CENPO: variants seen among roughly 807,000 people sequenced by gnomAD.
CENPO encodes centromeric protein O.
A neutral mutation model predicts 36.1 loss-of-function variants in CENPO; 30 were observed. The ratio of observed to expected loss-of-function variants is 0.83; its 90% CI spans 0.62 to 1.13. The LOEUF is 1.13. Ranked by LOEUF, CENPO falls within the 50% of genes most tolerant of loss-of-function variation. The pLI, the probability that CENPO is intolerant of heterozygous loss-of-function variation, is 0.00. For missense variants in CENPO, 349 were observed against 357.8 expected (o/e 0.98, Z 0.20); for synonymous variants, 171 against 142.3 (o/e 1.20, Z -1.44).
rs374213086 is a variant in CENPO, at chr2:24,793,957, CCAAAGGAGGTATT to C, written c.41_46+7del. 1.2e-4 allele frequency: 189 copies of C among 1,613,622 alleles called. 1 individual carries two copies. In the African/African-American group the frequency reaches 2.1e-3, roughly 18 times the overall value. ...AACCCTTTACGTCCAGATGGCGAGT[CCAAAGGAGGTATT>C]CAGAGGGTCGCCGCCTCCTTCCTGC... On this transcript the variant is annotated splice_donor_variant and splice_donor_5th_base_variant and coding_sequence_variant and intron_variant, in exon 2 of 8. Transcript: ENST00000380834. LOFTEE classifies it high-confidence loss of function.
intron 2 of CENPO, 127 bp from the exon 3 acceptor site, chr2:24,799,548 A>G: frequency 1.4e-6 from 1 of 717,704 alleles, no homozygotes; most frequent in African/African-American, 1.8e-5. Flanking sequence ...GATATCTAAC[A>G]ATTCAGCTGG....
At chr2:24,804,915 G>A (rs1200337302) in intron 3 of CENPO, among the ~76,000 whole-genome samples, 1 of 152,204 alleles carries the variant, frequency 6.6e-6, no homozygotes, top group East Asian at 1.9e-4. Context: ...ATATCCTGCA[G>A]AGTGTTTTCC....
rs1667550911 is a variant in CENPO, at chr2:24,820,917, C to T, written c.*1599C>T. On this transcript the variant is annotated 3_prime_UTR_variant, in exon 8 of 8. Coordinates refer to ENST00000380834, the MANE Select transcript of CENPO (RefSeq NM_001322101.2). ...TTGTTATGGGCCTCAGAAGCCATCT[C>T]CTCTCCAGACCTGTACCACAAAGCT... 2 of 1,575,704 alleles carry T rather than the reference C, an allele frequency of 1.3e-6. No homozygotes were observed. The highest frequency in any genetic ancestry group is 1.8e-5 in the Admixed American group (1 of 55,686).
chr2:24,809,460 A>T (rs1422350346), intron 3 of CENPO, among the ~76,000 whole-genome samples: 2 of 152,140 alleles, frequency 1.3e-5, no homozygotes, highest in Non-Finnish European at 2.9e-5. Context: ...AAATACATTT[A>T]AAGTTAAAAA....
chr2:24,821,923 G>T lies in CENPO; in HGVS notation c.*2605G>T. ...CTTCACCTTGGCTGGGCCTGGTCCTGGTCCTTAGGTTTTGTCAGGTTGTCC... is the reference window on the plus strand; with the variant it reads ...CTTCACCTTGGCTGGGCCTGGTCCTTGTCCTTAGGTTTTGTCAGGTTGTCC... On this transcript the variant is annotated 3_prime_UTR_variant, in exon 8 of 8. Coordinates refer to ENST00000380834, the MANE Select transcript of CENPO (RefSeq NM_001322101.2). The T allele has an allele frequency of 2.7e-6, 1 of 376,680 alleles. No homozygotes were observed. 23.3% of individuals were successfully genotyped at this position (376,680 alleles called of 1,614,324 possible). A position where few individuals can be genotyped will look rare whatever the true frequency, so the allele number is the denominator to read the frequency against.
chr2:24,817,687 A>G lies in CENPO; in HGVS notation c.784A>G (p.Thr262Ala). The G allele has an allele frequency of 6.2e-7, 1 of 1,614,208 alleles. No individual in the cohort carries two copies. Residue 262 changes from threonine (T) to alanine (A), a missense_variant, in exon 7 of 8, where the codon ACT (threonine) becomes GCT (alanine). Physicochemically the swap from Thr to Ala is moderately conservative, Grantham distance 58. Transcript: ENST00000380834. ...VTCQGVEVLS[T>A]SWEEQRASHE... ...CTTTTTAGGAGTGGAAGTATTATCC[A>G]CTTCATGGGAGGAGCAACGAGCATC...
At position 24,819,814 on chromosome 2, in the gene CENPO, A is replaced by C. The variant is rs982162333; in HGVS notation, c.*496A>C. The C allele has an allele frequency of 3.1e-5, 33 of 1,062,260 alleles. No homozygotes were observed. Among genetic ancestry groups the C allele is most frequent in the Non-Finnish European group, 4.5e-5 (33 of 740,524 alleles). The allele number at this position is 1,062,260 out of a possible 1,614,324, so 65.8% of individuals were successfully genotyped here. ...ATCCACGAACAAATGAAGGCTGAGG[A>C]GGTTTCTAAACCTAAAGTCCATGAG... On this transcript the variant is annotated 3_prime_UTR_variant, in exon 8 of 8. Transcript: ENST00000380834.
At chr2:24,808,619 G>C (rs2148275178) in intron 3 of CENPO, among the ~76,000 whole-genome samples, 1 of 152,236 alleles carries the variant, frequency 6.6e-6, no homozygotes, top group South Asian at 2.1e-4. Flanking sequence ...GGAATCATAT[G>C]TTTTCTCCCT....
At chr2:24,808,399 C>T (rs1255553405) in intron 3 of CENPO, among the ~76,000 whole-genome samples, 1 of 152,000 alleles carries the variant, frequency 6.6e-6, no homozygotes, top group African/African-American at 2.4e-5. Context: ...CGGGGTTTCT[C>T]TATTGTTGGC....
At chr2:24,808,750 T>C (rs1467727174) in intron 3 of CENPO, among the ~76,000 whole-genome samples, 2 of 152,192 alleles carry the variant, frequency 1.3e-5, no homozygotes, top group Non-Finnish European at 2.9e-5. Flanking sequence ...TAAATCTGAC[T>C]TGCTGATATT....
chr2:24,821,991 T>C lies in CENPO; in HGVS notation c.*2673T>C. The stretch of plus-strand genomic sequence containing the variant: ...CTAGGTGATAAGCACTGGAGGGGGA[T>C]GACCCGCCTTGGACGTGTTTCTTTA... On this transcript the variant is annotated 3_prime_UTR_variant, in exon 8 of 8. Transcript: ENST00000380834. 1 of 253,550 alleles carries C rather than the reference T, an allele frequency of 3.9e-6. No individual in the cohort carries two copies. Among genetic ancestry groups the C allele is most frequent in the East Asian group, 9.5e-5 (1 of 10,478 alleles). 15.7% of individuals were successfully genotyped at this position (253,550 alleles called of 1,614,324 possible). A position where few individuals can be genotyped will look rare whatever the true frequency, so the allele number is the denominator to read the frequency against.
Position 24,820,307 on chromosome 2 carries a change from ACTGG to A in CENPO, c.*994_*997del. ...GGGTGGGAAGGAGAACCCTGGAGTG[ACTGG>A]CTGGGGGCCTCCTCTCATCCAGAGA... is the stretch of plus-strand genomic sequence containing the variant. On this transcript the variant is annotated 3_prime_UTR_variant, in exon 8 of 8. Transcript: ENST00000380834. The A allele has an allele frequency of 1.5e-6, 2 of 1,296,804 alleles. No individual in the cohort carries two copies. Among genetic ancestry groups the A allele is most frequent in the Non-Finnish European group, 2.0e-6 (2 of 1,013,272 alleles). 80.3% of individuals were successfully genotyped at this position (1,296,804 alleles called of 1,614,324 possible). A position where few individuals can be genotyped will look rare whatever the true frequency, so the allele number is the denominator to read the frequency against.
Position 24,816,769 on chromosome 2 carries a change from A to G in CENPO, c.718A>G (p.Lys240Glu). 6.2e-7 allele frequency: 1 copy of G among 1,610,590 alleles called. No individual in the cohort carries two copies. The highest frequency in any genetic ancestry group is 2.2e-5 in the East Asian group (1 of 44,662). ...CCCGTTCTGTGCTAGATTGCTGTAT[A>G]AGGACCTCACAGCAACTCTTCCCAC... ...SFPFCARLLY[K>E]DLTATLPTDV... The change falls in exon 6 of 8, where the codon AAG becomes GAG. Residue 240 changes from lysine (K) to glutamate (E), a missense_variant. Physicochemically the swap from Lys to Glu is moderately conservative, Grantham distance 56. Transcript: ENST00000380834.
chr2:24,800,561 G>C (rs1337330021), intron 3 of CENPO, among the ~76,000 whole-genome samples: 5 of 145,400 alleles, frequency 3.4e-5, no homozygotes, highest in Non-Finnish European at 5.9e-5. Flanking sequence ...CCACCTATGA[G>C]TGAGAACATG....
intron 2 of CENPO, among the ~76,000 whole-genome samples, chr2:24,796,866 A>T (rs1479721809): frequency 6.6e-6 from 1 of 151,784 alleles, no homozygotes; most frequent in African/African-American, 2.4e-5. Context: ...GGGTGGGGGG[A>T]TCAGGTCAGT....
Position 24,820,560 on chromosome 2 carries a change from T to G in CENPO, c.*1242T>G. The G allele has an allele frequency of 1.4e-6, 2 of 1,423,618 alleles. No individual in the cohort carries two copies. The highest frequency in any genetic ancestry group is 2.9e-5 in the South Asian group (2 of 68,410). 88.2% of individuals were successfully genotyped at this position (1,423,618 alleles called of 1,614,324 possible). A position where few individuals can be genotyped will look rare whatever the true frequency, so the allele number is the denominator to read the frequency against. Reference sequence around the variant, plus strand: ...TGGGTGGAAGTGTTTCTTCCTGTGCTGAGGCTAGCTATTGCAGAGATTCTT... The same window carrying G: ...TGGGTGGAAGTGTTTCTTCCTGTGCGGAGGCTAGCTATTGCAGAGATTCTT... On this transcript the variant is annotated 3_prime_UTR_variant, in exon 8 of 8. Coordinates refer to ENST00000380834, the MANE Select transcript of CENPO (RefSeq NM_001322101.2).
At position 24,820,695 on chromosome 2, in the gene CENPO, G is replaced by C; in HGVS notation, c.*1377G>C. The C allele has an allele frequency of 1.2e-6, 2 of 1,613,426 alleles. No individual in the cohort carries two copies. Among genetic ancestry groups the C allele is most frequent in the Non-Finnish European group, 1.7e-6 (2 of 1,179,596 alleles). ...GGTTTTGTTCTCATGCCGAGTCTGA[G>C]CACGTGCCAGCTGTGCCACTGGACA... On this transcript the variant is annotated 3_prime_UTR_variant, in exon 8 of 8. Coordinates refer to ENST00000380834, the MANE Select transcript of CENPO (RefSeq NM_001322101.2).
intron 3 of CENPO, among the ~76,000 whole-genome samples, chr2:24,813,627 A>G (rs1241240828): frequency 6.6e-6 from 1 of 152,216 alleles, no homozygotes; most frequent in Non-Finnish European, 1.5e-5. Context: ...TGCAAGCAGA[A>G]CGTTGAGTTC....
intron 3 of CENPO, among the ~76,000 whole-genome samples, chr2:24,810,142 A>G (rs1244909288): frequency 6.6e-6 from 1 of 152,028 alleles, no homozygotes; most frequent in Non-Finnish European, 1.5e-5. Context: ...GTGATTGTAG[A>G]TGAATTTTTC....
Sources: allele counts gnomAD v4.1 joint callset (sites outside exome capture counted in the v4.1 genomes callset), GRCh38; gene constraint gnomAD v4.1.1; transcripts MANE v1.5; gene names NCBI Gene and HGNC (gene_info 2026-07-23, HGNC 2026-07-21).